PTPN9: variants seen among roughly 807,000 people sequenced by gnomAD.
PTPN9 encodes the protein tyrosine-protein phosphatase non-receptor type 9.
PTPN9 carries 26 observed loss-of-function variants against 69.8 expected under a neutral mutation model. The observed-to-expected ratio is 0.37, with a 90% CI of 0.27 to 0.52. PTPN9 has a LOEUF of 0.52. PTPN9 is among the 20% of genes least tolerant of loss of function. The probability of loss-of-function intolerance (pLI) is 0.91; values close to 1 mark genes in which losing one functional copy is unlikely to be tolerated. For synonymous variants in PTPN9, 274 were observed against 272.5 expected (o/e 1.01, Z -0.05); for missense variants, 549 against 740.3 (o/e 0.74, Z 3.00).
intron 7 of PTPN9, among the ~76,000 whole-genome samples, chr15:75,505,279 C>CA (rs1206527510): frequency 1.3e-5 from 2 of 149,490 alleles, no homozygotes; most frequent in East Asian, 2.0e-4. Context: ...TAAGAATCAT[C>CA]ACCACTCCCT....
At chr15:75,578,342 C>A (rs2075183119) in intron 1 of PTPN9, among the ~76,000 whole-genome samples, 1 of 152,252 alleles carries the variant, frequency 6.6e-6, no homozygotes, top group African/African-American at 2.4e-5. Context: ...AAGCCACAAA[C>A]CCTCACGGAA....
In PTPN9 at chr15:75,505,785, C is replaced by T. The variant is rs1368231884; in HGVS notation, c.858G>A (p.Met286Ile). Residue 286 changes from methionine (M) to isoleucine (I), a missense_variant, in exon 7 of 13, where the codon ATG becomes ATA. Around this residue, in one of 3 missense-constraint regions of PTPN9, gnomAD observed 457 missense variants for 661.9 expected, o/e 0.69. Coordinates refer to ENST00000618819, the MANE Select transcript of PTPN9 (RefSeq NM_002833.4). ...CATAGTCCACCAACTCTTGGATGGT[C>T]ATAGCATGGGGACCTGGAACATGTA... The part of the protein sequence containing the change: ...DSVHVPGPHA[M>I]TIQELVDYVN... The T allele has an allele frequency of 6.2e-7, 1 of 1,614,102 alleles. No individual in the cohort carries two copies. The highest frequency in any genetic ancestry group is 1.7e-5 in the Admixed American group (1 of 60,000).
rs117511284 is a variant in PTPN9 at position 75,512,654 on chromosome 15, C to T, written c.529-3627G>A. 1,321 of 154,406 alleles carry T rather than the reference C, an allele frequency of 8.6e-3. 9 individuals are homozygous for T. The highest frequency in any genetic ancestry group is 0.02 in the Middle Eastern group (6 of 304). The allele number at this position is 154,406 out of a possible 1,614,324, so 9.6% of individuals were successfully genotyped here. ...CCAGATGCCTTCCAAAAGGTGTTAA[C>T]GACTTACTGAACTGACAGTATATGA... is the stretch of plus-strand genomic sequence containing the variant. On this transcript the variant is annotated intron_variant, in intron 5 of 12. Transcript: ENST00000618819.
chr15:75,485,060 C>T (rs889489639), intron 8 of PTPN9, among the ~76,000 whole-genome samples: 18 of 152,104 alleles, frequency 1.2e-4, no homozygotes, highest in Admixed American at 1.2e-3. Flanking sequence ...TGACCTCATA[C>T]GATTACTGTC....
chr15:75,475,600 G>A (rs1295586766), intron 9 of PTPN9, among the ~76,000 whole-genome samples: 2 of 151,718 alleles, frequency 1.3e-5, no homozygotes, highest in African/African-American at 4.8e-5. Context: ...AAAAAAAAAC[G>A]TAACAACTCA....
chr15:75,492,162 C>T (rs2074714672), intron 7 of PTPN9, among the ~76,000 whole-genome samples: 1 of 152,154 alleles, frequency 6.6e-6, no homozygotes, highest in African/African-American at 2.4e-5. Context: ...TGTGAGTCAC[C>T]GAGCCTGACC....
At chr15:75,558,347 A>T (rs2075086432) in intron 1 of PTPN9, among the ~76,000 whole-genome samples, 1 of 151,592 alleles carries the variant, frequency 6.6e-6, no homozygotes, top group African/African-American at 2.4e-5. Flanking sequence ...GAAAAAATAG[A>T]AATACAAAAA....
chr15:75,556,008 G>A (rs117830424), intron 1 of PTPN9, among the ~76,000 whole-genome samples: 19 of 123,370 alleles, frequency 1.5e-4, no homozygotes, highest in South Asian at 5.1e-4. Context: ...TTCCAGCCTC[G>A]ATGACAAACA....
chr15:75,507,417 G>A (rs1355657837), intron 6 of PTPN9, among the ~76,000 whole-genome samples: 18 of 134,046 alleles, frequency 1.3e-4, no homozygotes, highest in Non-Finnish European at 1.1e-4. Flanking sequence ...TTGCACTCTA[G>A]CCTCAGCGAC....
At chr15:75,471,684 G>A (rs1382283430) in intron 10 of PTPN9, among the ~76,000 whole-genome samples, 1 of 150,912 alleles carries the variant, frequency 6.6e-6, no homozygotes, top group African/African-American at 2.4e-5. Flanking sequence ...AGGAGGCCAA[G>A]GTGGCGGATC....
chr15:75,470,850 G>A lies in PTPN9; in HGVS notation c.1209-20C>T, dbSNP rs751144877. On this transcript the variant is annotated intron_variant, in intron 10 of 12. Transcript: ENST00000618819. ...TCAAAGCTGAAGACACACAGAGCAA[G>A]GTAAGCCTTCCATCGTTCCTCTCCA... The A allele has an allele frequency of 3.1e-6, 5 of 1,611,158 alleles. No individual in the cohort carries two copies. Among genetic ancestry groups the A allele is most frequent in the Middle Eastern group, 1.7e-4 (1 of 5,956 alleles).
At chr15:75,551,575 G>A (rs983237250) in intron 1 of PTPN9, among the ~76,000 whole-genome samples, 4 of 152,076 alleles carry the variant, frequency 2.6e-5, no homozygotes, top group Non-Finnish European at 5.9e-5. Flanking sequence ...GGACAGGCTG[G>A]TCACCCCATG....
At chr15:75,545,926 T>C (rs988251695) in intron 1 of PTPN9, among the ~76,000 whole-genome samples, 6 of 152,262 alleles carry the variant, frequency 3.9e-5, no homozygotes, top group African/African-American at 1.4e-4. Flanking sequence ...CCAGCCTGGG[T>C]GACAGAGCAA....
At chr15:75,578,271 G>A (rs1372226413) in intron 1 of PTPN9, among the ~76,000 whole-genome samples, 1 of 152,152 alleles carries the variant, frequency 6.6e-6, no homozygotes, top group Non-Finnish European at 1.5e-5. Flanking sequence ...CCCTCTCCTC[G>A]GGAAGGGAGA....
At chr15:75,492,366 G>C (rs1468263043) in intron 7 of PTPN9, among the ~76,000 whole-genome samples, 1 of 152,132 alleles carries the variant, frequency 6.6e-6, no homozygotes, top group Non-Finnish European at 1.5e-5. Context: ...TGGCTGACGT[G>C]GCCAGACACA....
At chr15:75,481,832 G>A (rs1404064230) in intron 8 of PTPN9, among the ~76,000 whole-genome samples, 1 of 127,968 alleles carries the variant, frequency 7.8e-6, no homozygotes, top group South Asian at 2.9e-4. Context: ...GAGGGAGGTG[G>A]GGGGGGGTCA....
intron 1 of PTPN9, among the ~76,000 whole-genome samples, chr15:75,558,275 C>T (rs1448984808): frequency 6.6e-6 from 1 of 151,960 alleles, no homozygotes; most frequent in East Asian, 1.9e-4. Flanking sequence ...CTGCAGTGAG[C>T]CGAGATTGCG....
chr15:75,520,706 G>A (rs2074900057), intron 4 of PTPN9, among the ~76,000 whole-genome samples: 1 of 151,906 alleles, frequency 6.6e-6, no homozygotes, highest in Non-Finnish European at 1.5e-5. Flanking sequence ...ACTAGAGACG[G>A]GGTTTCACCA....
At chr15:75,569,261 C>T (rs980137836) in intron 1 of PTPN9, among the ~76,000 whole-genome samples, 2 of 152,170 alleles carry the variant, frequency 1.3e-5, no homozygotes, top group African/African-American at 4.8e-5. Context: ...GGACCAGCCA[C>T]ACTGCCGTAA....
Sources: gnomAD v4.1 joint callset for allele counts (sites outside exome capture counted in the v4.1 genomes callset) on GRCh38, gnomAD v4.1.1 for gene constraint, gnomAD v4.1.1 regional missense constraint, MANE v1.5 for transcripts, NCBI Gene and HGNC (gene_info 2026-07-23, HGNC 2026-07-21) for gene names.